The following IGF2BP1 variants were observed in gnomAD, a reference collection of about 807,000 sequenced individuals.
The protein encoded by IGF2BP1 is insulin like growth factor 2 mRNA binding protein 1.
In IGF2BP1, 11 loss-of-function variants were observed where a neutral mutation model predicts 74.9. That is an observed-to-expected ratio of 0.15 (90% CI 0.09 to 0.24). The LOEUF (loss-of-function observed/expected upper bound fraction) is 0.24, where lower values mean the gene tolerates loss of function less well. Ranked by LOEUF, IGF2BP1 falls within the 10% of genes least tolerant of loss-of-function variation. IGF2BP1 has a pLI of 1.00. For missense variants in IGF2BP1, 440 were observed against 757.4 expected, an observed-to-expected ratio of 0.58 and a Z score of 4.92; for synonymous variants, 287 against 281.8, an observed-to-expected ratio of 1.02 and a Z score of -0.18.
chr17:49,019,028 CTCCTCCCT>C (rs1349417863), intron 2 of IGF2BP1, among the ~76,000 whole-genome samples: 1 of 152,168 alleles, frequency 6.6e-6, no homozygotes, highest in Non-Finnish European at 1.5e-5. Context: ...CCACCTTGCC[CTCCTCCCT>C]TCCTTCAACT....
chr17:48,997,361 CCTT>C (rs1190979072), upstream of IGF2BP1: 2 of 155,926 alleles, frequency 1.3e-5, no homozygotes, highest in Non-Finnish European at 1.3e-5. This position sits in a 1 kb window ranked among gnomAD's most constrained non-coding sequence, Gnocchi z 4.8. Context: ...CGTGGCTTCT[CCTT>C]TTTTTTTTTT....
At position 49,025,853 on chromosome 17, in the gene IGF2BP1, C is replaced by CTTTT. The variant is rs749731111; in HGVS notation, c.285+190_285+191insTTTT. ...TTTCTTCTTTTTCTTTCTTTCTTTT[C>CTTTT]TTTCTTTTTTTTTTTTTTTGAGATG... On this transcript the variant is annotated intron_variant, in intron 3 of 14. Transcript: ENST00000290341. Among the ~76,000 whole-genome samples the CTTTT allele has an allele frequency of 5.0e-5, 7 of 140,412 alleles. 1 individual carries two copies. Among genetic ancestry groups the CTTTT allele is most frequent in the African/African-American group, 1.4e-4 (5 of 35,790 alleles). 92.1% of individuals were successfully genotyped at this position (140,412 alleles called of 152,430 possible).
In IGF2BP1 at chr17:49,046,378, A is replaced by T. The variant is rs1226208350; in HGVS notation, c.1641+5A>T. 6.2e-7 allele frequency: 1 copy of T among 1,605,778 alleles called. No homozygotes were observed. Among genetic ancestry groups the T allele is most frequent in the East Asian group, 2.2e-5 (1 of 44,818 alleles). Reference sequence around the variant, plus strand: ...GGACATTTCTATGCCAGTCAGGTACATATGGTGCTCCCCCATTGAGGGAGG... The same window carrying T: ...GGACATTTCTATGCCAGTCAGGTACTTATGGTGCTCCCCCATTGAGGGAGG... On this transcript the variant is annotated splice_donor_5th_base_variant and intron_variant, in intron 14 of 14. Transcript: ENST00000290341.
intron 6 of IGF2BP1, among the ~76,000 whole-genome samples, 165 bp downstream of exon 6, chr17:49,038,614 G>T (rs1282900863): frequency 6.6e-6 from 1 of 152,162 alleles, no homozygotes; most frequent in East Asian, 1.9e-4. Context: ...TCCTGGGAAA[G>T]GGAGGGCAGA....
intron 14 of IGF2BP1, among the ~76,000 whole-genome samples, chr17:49,047,908 G>T (rs1435486940): frequency 2.0e-5 from 3 of 151,946 alleles, no homozygotes; most frequent in Non-Finnish European, 4.4e-5. Context: ...TAGTGATGAG[G>T]TTTCACCATG....
chr17:49,007,131 G>A (rs146211782), intron 2 of IGF2BP1, among the ~76,000 whole-genome samples: 2,998 of 152,226 alleles, frequency 0.02, 38 homozygotes, highest in Middle Eastern at 0.088. Flanking sequence ...CCTCCTGGGG[G>A]TCTGAGGAAG....
rs745406736 is a variant in IGF2BP1 at position 49,031,997 on chromosome 17, T to A, written c.401+24T>A. On this transcript the variant is annotated intron_variant, in intron 5 of 14. Coordinates refer to ENST00000290341, the MANE Select transcript of IGF2BP1 (RefSeq NM_006546.4). ...CAGTGAGTGGGCTGGGAAGTGGGGC[T>A]GGGTGCGGTGGGGGGGGGTTCTGTG... The A allele has an allele frequency of 3.0e-6, 3 of 988,002 alleles. No homozygotes were observed. In the Admixed American group the frequency reaches 5.5e-5, roughly 18 times the overall value. The allele number at this position is 988,002 out of a possible 1,614,324, so 61.2% of individuals were successfully genotyped here. A position where few individuals can be genotyped will look rare whatever the true frequency, so the allele number is the denominator to read the frequency against.
intron 2 of IGF2BP1, among the ~76,000 whole-genome samples, chr17:49,011,710 A>T (rs1300600618): frequency 6.6e-6 from 1 of 151,724 alleles, no homozygotes; most frequent in Non-Finnish European, 1.5e-5. Context: ...AACGTTGGGA[A>T]CAGGTGATCC....
At chr17:48,998,532 C>T (rs1253959693) in intron 1 of IGF2BP1, among the ~76,000 whole-genome samples, 4 of 152,072 alleles carry the variant, frequency 2.6e-5, no homozygotes, top group Admixed American at 2.6e-4. Context: ...GCCGGGTCGC[C>T]ATGCTGCTTC....
intron 2 of IGF2BP1, chr17:49,013,940 G>A (rs1200504276): frequency 6.6e-6 from 1 of 152,138 alleles, no homozygotes; most frequent in Non-Finnish European, 1.5e-5. Flanking sequence ...GTAGCGGAGG[G>A]GCTGGGGGGC....
intron 1 of IGF2BP1, among the ~76,000 whole-genome samples, 180 bp downstream of exon 1, chr17:48,998,100 C>T (rs1053387939): frequency 6.6e-5 from 10 of 152,276 alleles, no homozygotes; most frequent in Admixed American, 2.6e-4. Context: ...CCTCCCACCC[C>T]CGCGCAGAAA....
At chr17:49,019,912 A>AT (rs1377190666) in intron 2 of IGF2BP1, among the ~76,000 whole-genome samples, 7 of 27,554 alleles carry the variant, frequency 2.5e-4, no homozygotes, top group African/African-American at 4.9e-4. Context: ...ATTTATATAT[A>AT]TATATATATA....
intron 2 of IGF2BP1, chr17:49,014,989 G>C: frequency 4.1e-6 from 4 of 969,342 alleles, no homozygotes; most frequent in Non-Finnish European, 4.9e-6. Context: ...CTGGGCACCA[G>C]CTCCATCCTC....
chr17:49,044,300 G>C (rs2042086040), intron 11 of IGF2BP1, among the ~76,000 whole-genome samples: 1 of 152,106 alleles, frequency 6.6e-6, no homozygotes, highest in Non-Finnish European at 1.5e-5. Flanking sequence ...GGCTGGGCAG[G>C]GGCAGGGTTA....
chr17:49,051,676 C>T lies in IGF2BP1; in HGVS notation c.*2232C>T, dbSNP rs1394301223. On this transcript the variant is annotated 3_prime_UTR_variant, in exon 15 of 15. Coordinates refer to ENST00000290341, the MANE Select transcript of IGF2BP1 (RefSeq NM_006546.4). ...TTTTAAAATATTGCCTCCGTTTTAT[C>T]GAGGAGAGAAATAATAACTAAAAAA... 6.6e-6 allele frequency: 1 copy of T among 151,940 alleles called. No homozygotes were observed. The highest frequency in any genetic ancestry group is 1.5e-5 in the Non-Finnish European group (1 of 68,004). The allele number at this position is 151,940 out of a possible 1,614,324, so 9.4% of individuals were successfully genotyped here.
At chr17:49,043,752 A>G (rs2042078826) in intron 10 of IGF2BP1, among the ~76,000 whole-genome samples, 1 of 152,146 alleles carries the variant, frequency 6.6e-6, no homozygotes, top group Admixed American at 6.5e-5. Context: ...CTCCCGGGGC[A>G]TAGACAGCAC....
At chr17:49,022,871 C>A (rs1350907587) in intron 2 of IGF2BP1, among the ~76,000 whole-genome samples, 1 of 152,220 alleles carries the variant, frequency 6.6e-6, no homozygotes, top group African/African-American at 2.4e-5. Context: ...TTCCCTTAGG[C>A]CCTTACTGGT....
rs968974486 is a variant in IGF2BP1 at position 49,025,683 on chromosome 17, A to G, written c.285+17A>G. On this transcript the variant is annotated intron_variant, in intron 3 of 14. Coordinates refer to ENST00000290341, the MANE Select transcript of IGF2BP1 (RefSeq NM_006546.4). Reference sequence around the variant, plus strand: ...CGATGGGAAGTAAGTGTTTGGGGGAAACTCTAAATGGAGTGGGATAGTGGA... The same window carrying G: ...CGATGGGAAGTAAGTGTTTGGGGGAGACTCTAAATGGAGTGGGATAGTGGA... The G allele has an allele frequency of 5.0e-6, 8 of 1,609,324 alleles. No individual in the cohort carries two copies. Among genetic ancestry groups the G allele is most frequent in the Non-Finnish European group, 6.8e-6 (8 of 1,177,834 alleles).
intron 2 of IGF2BP1, among the ~76,000 whole-genome samples, chr17:49,014,381 G>C (rs1421705755): frequency 6.7e-6 from 1 of 149,236 alleles, no homozygotes; most frequent in Non-Finnish European, 1.5e-5. Flanking sequence ...CTGCTCCACC[G>C]CGAGGGGCCG....
Sources: gnomAD v4.1 joint callset for allele counts (sites outside exome capture counted in the v4.1 genomes callset) on GRCh38, gnomAD v4.1.1 for gene constraint, Gnocchi (gnomAD v3.1) non-coding constraint, MANE v1.5 for transcripts, NCBI Gene and HGNC (gene_info 2026-07-23, HGNC 2026-07-21) for gene names.